Variants in RAD21 observed in about 807,000 individuals in gnomAD.
RAD21 encodes the protein RAD21 cohesin complex component, also known as double-strand-break repair protein rad21 homolog.
Under a neutral mutation model 71.5 loss-of-function variants are expected in RAD21, and 18 were observed. The ratio of observed to expected loss-of-function variants is 0.25; its 90% CI spans 0.17 to 0.37. The LOEUF (loss-of-function observed/expected upper bound fraction) is 0.37, where lower values mean the gene tolerates loss of function less well. RAD21 is among the 10% of genes least tolerant of loss of function. The pLI is 1.00. For missense variants in RAD21, 493 were observed against 769.1 expected, an observed-to-expected ratio of 0.64 and a Z score of 4.25; for synonymous variants, 248 against 254.0, an observed-to-expected ratio of 0.98 and a Z score of 0.22.
Position 116,852,020 on chromosome 8 carries a change from T to C in RAD21, c.1398A>G (p.Ser466=), listed in dbSNP as rs577535772. 6.2e-7 allele frequency: 1 copy of C among 1,613,400 alleles called. No individual in the cohort carries two copies. The highest frequency in any genetic ancestry group is 8.5e-7 in the Non-Finnish European group (1 of 1,179,394). ...CCTGAGGTGGTGGTGGAGGCATAGC[T>C]GACTCATCTATGTTTGTTCTGCTGG... is the stretch of plus-strand genomic sequence containing the variant. ...MEASRTNIDE[S]AMPPPPPQGV... Residue 466 remains serine, a synonymous_variant, in exon 11 of 14, where the codon TCA becomes TCG. Transcript: ENST00000297338.
chr8:116,874,107 T>C (rs1166550506), intron 1 of RAD21: 3 of 145,968 alleles, frequency 2.1e-5, no homozygotes, highest in Non-Finnish European at 4.5e-5. Context: ...CGCACTTTCT[T>C]GAGCCCCGCA....
intron 2 of RAD21, among the ~76,000 whole-genome samples, chr8:116,865,903 G>A (rs11995008): frequency 0.023 from 3,488 of 152,060 alleles, 135 homozygotes; most frequent in African/African-American, 0.078. Context: ...ACCTCCCATC[G>A]GTGTTTCATT....
At chr8:116,874,449 C>G (rs1017309560) in intron 1 of RAD21, 162 bp downstream of exon 1, 2 of 207,672 alleles carry the variant, frequency 9.6e-6, no homozygotes, top group African/African-American at 4.8e-5. Flanking sequence ...GTGGCGCCGC[C>G]GCTTGGGCGC....
At position 116,850,689 on chromosome 8, in the gene RAD21, G is replaced by T; in HGVS notation, c.1549C>A (p.Pro517Thr). The change falls in exon 12 of 14, where the codon CCA (proline) becomes ACA (threonine). Residue 517 changes from proline to threonine, a missense_variant. Physicochemically the swap from Pro to Thr is conservative, Grantham distance 38. Around this residue, in one of 5 missense-constraint regions of RAD21, gnomAD observed 225 missense variants for 218.3 expected, o/e 1.03. Transcript: ENST00000297338. ...TTTTCTGGCAGAAGTTCTAACTCTG[G>T]TATTAGCTGACAGATATTTGGAGGT... The part of the protein sequence containing the change: ...EEPPNICQLI[P>T]ELELLPEKEK... 1 of 1,612,914 alleles carries T rather than the reference G, an allele frequency of 6.2e-7. No homozygotes were observed. Among genetic ancestry groups the T allele is most frequent in the Non-Finnish European group, 8.5e-7 (1 of 1,179,208 alleles).
intron 2 of RAD21, among the ~76,000 whole-genome samples, chr8:116,865,600 A>C (rs1437294034): frequency 1.3e-5 from 2 of 152,174 alleles, no homozygotes; most frequent in South Asian, 2.1e-4. Context: ...AGAAACACTT[A>C]AGGGCGTGAA....
chr8:116,852,409 T>A, intron 10 of RAD21, 140 bp downstream of exon 10: 2 of 932,658 alleles, frequency 2.1e-6, no homozygotes, highest in South Asian at 4.0e-5. Context: ...AATAAGGCAA[T>A]CAGATCCAAT....
Position 116,847,394 on chromosome 8 carries a change from T to C in RAD21, c.*106A>G, listed in dbSNP as rs1455303979. The stretch of plus-strand genomic sequence containing the variant: ...AAGAAGGAAAAAGGCAAAGACTTTG[T>C]ACAGACAAAAATCTAAGTTTTCTCA... On this transcript the variant is annotated 3_prime_UTR_variant, in exon 14 of 14. Transcript: ENST00000297338. The C allele has an allele frequency of 2.2e-5, 22 of 1,000,874 alleles. No individual in the cohort carries two copies. The highest frequency in any genetic ancestry group is 3.2e-5 in the Non-Finnish European group (22 of 697,296). The allele number at this position is 1,000,874 out of a possible 1,614,324, so 62.0% of individuals were successfully genotyped here.
At chr8:116,859,930 T>A (rs1396068672) in intron 4 of RAD21, among the ~76,000 whole-genome samples, 1 of 152,114 alleles carries the variant, frequency 6.6e-6, no homozygotes, top group Non-Finnish European at 1.5e-5. Flanking sequence ...AAATGAAAAA[T>A]GCTACTCTAG....
chr8:116,859,109 A>T (rs549305168), intron 4 of RAD21, among the ~76,000 whole-genome samples: 1 of 151,738 alleles, frequency 6.6e-6, no homozygotes, highest in Non-Finnish European at 1.5e-5. Flanking sequence ...AGAAAAAAAA[A>T]AAAAAAAAAG....
At position 116,866,848 on chromosome 8, in the gene RAD21, CTCTT is replaced by C. The variant is rs1415547761; in HGVS notation, c.-32-91_-32-88del. ...ATAAGAAATTTAAAATTTTTCTTCTCTCTTTAATATGAAAACTATAAAATGCTTG... is the reference window on the plus strand; with the variant it reads ...ATAAGAAATTTAAAATTTTTCTTCTCTAATATGAAAACTATAAAATGCTTG... On this transcript the variant is annotated intron_variant, in intron 1 of 13. Transcript: ENST00000297338. 1.6e-5 allele frequency: 14 copies of C among 876,032 alleles called. No individual in the cohort carries two copies. In the Admixed American group the frequency reaches 2.0e-4, roughly 13 times the overall value. The allele number at this position is 876,032 out of a possible 1,614,324, so 54.3% of individuals were successfully genotyped here.
At chr8:116,856,074 T>G in intron 8 of RAD21, 92 bp downstream of exon 8, 1 of 1,406,542 alleles carries the variant, frequency 7.1e-7, no homozygotes, top group South Asian at 1.4e-5. Context: ...CCTAGTTATC[T>G]AATACAACAG....
chr8:116,872,876 G>A (rs1293367474), intron 1 of RAD21, among the ~76,000 whole-genome samples: 2 of 152,118 alleles, frequency 1.3e-5, no homozygotes, highest in African/African-American at 4.8e-5. Context: ...AACATCCTTT[G>A]ACCAAGAGTT....
At chr8:116,874,546 G>C in intron 1 of RAD21, 65 bp downstream of exon 1, 1 of 281,918 alleles carries the variant, frequency 3.5e-6, no homozygotes, top group Non-Finnish European at 7.0e-6. Context: ...CCCGACGGCA[G>C]AGCGGCGGGG....
intron 9 of RAD21, among the ~76,000 whole-genome samples, chr8:116,853,824 G>T (rs542711401): frequency 3.3e-5 from 5 of 151,430 alleles, no homozygotes; most frequent in Non-Finnish European, 5.9e-5. Flanking sequence ...GCCTATAAAT[G>T]GAAAAACAAA....
At chr8:116,862,822 T>G (rs1812617332) in intron 3 of RAD21, among the ~76,000 whole-genome samples, 1 of 152,118 alleles carries the variant, frequency 6.6e-6, no homozygotes, top group Non-Finnish European at 1.5e-5. Flanking sequence ...ACAATTAGTT[T>G]CCAACATTTT....
chr8:116,874,710 C>T lies in RAD21; in HGVS notation c.-132G>A, dbSNP rs1391156061. 2.3e-6 allele frequency: 1 copy of T among 444,394 alleles called. No homozygotes were observed. The highest frequency in any genetic ancestry group is 4.5e-6 in the Non-Finnish European group (1 of 221,050). The allele number at this position is 444,394 out of a possible 1,614,324, so 27.5% of individuals were successfully genotyped here. A position where few individuals can be genotyped will look rare whatever the true frequency, so the allele number is the denominator to read the frequency against. Reference sequence around the variant, plus strand: ...AGGGGGGAGCCCTTGCGAGGTGTAGCTTCCGAGCAGCTCCCGCCGCCGCCA... The same window carrying T: ...AGGGGGGAGCCCTTGCGAGGTGTAGTTTCCGAGCAGCTCCCGCCGCCGCCA... On this transcript the variant is annotated 5_prime_UTR_variant, in exon 1 of 14. Transcript: ENST00000297338.
chr8:116,850,777 A>G lies in RAD21; in HGVS notation c.1471-10T>C. 6.5e-7 allele frequency: 1 copy of G among 1,535,160 alleles called. No individual in the cohort carries two copies. Among genetic ancestry groups the G allele is most frequent in the Non-Finnish European group, 9.0e-7 (1 of 1,110,898 alleles). On this transcript the variant is annotated splice_polypyrimidine_tract_variant and intron_variant, in intron 11 of 13. Coordinates refer to ENST00000297338, the MANE Select transcript of RAD21 (RefSeq NM_006265.3). ...GCTCTACCTGCTGAGGCTTAAAGCA[A>G]TACAAATAAGACAATTTAAGATATA...
Position 116,849,091 on chromosome 8 carries a change from T to A in RAD21, c.1621-62A>T, listed in dbSNP as rs1490564009. The A allele has an allele frequency of 2.4e-6, 3 of 1,243,662 alleles. No individual in the cohort carries two copies. In the East Asian group the frequency reaches 8.0e-5, roughly 33 times the overall value. The allele number at this position is 1,243,662 out of a possible 1,614,324, so 77.0% of individuals were successfully genotyped here. ...AGTCCAATGAAAAATGAAGTATTTCTACATCTCCTAAAAGCTCCTAAATTA... is the reference window on the plus strand; with the variant it reads ...AGTCCAATGAAAAATGAAGTATTTCAACATCTCCTAAAAGCTCCTAAATTA... On this transcript the variant is annotated intron_variant, in intron 12 of 13. Transcript: ENST00000297338.
intron 6 of RAD21, 100 bp downstream of exon 6, chr8:116,857,167 T>C: frequency 1.0e-6 from 1 of 1,003,992 alleles, no homozygotes; most frequent in African/African-American, 1.6e-5. Context: ...CATATATATC[T>C]AAAAGCTGTT....
Sources: allele counts gnomAD v4.1 joint callset (sites outside exome capture counted in the v4.1 genomes callset), GRCh38; gene constraint gnomAD v4.1.1; regional missense constraint gnomAD v4.1.1; transcripts MANE v1.5; gene names NCBI Gene and HGNC (gene_info 2026-07-23, HGNC 2026-07-21).